REPS2: variants seen among roughly 807,000 people sequenced by gnomAD.
REPS2 encodes the protein ralBP1-associated Eps domain-containing protein 2.
Under a neutral mutation model 53.6 loss-of-function variants are expected in REPS2, and 23 were observed. That is an observed-to-expected ratio of 0.43 (90% CI 0.31 to 0.61). REPS2 has a LOEUF of 0.61. REPS2 is among the 20% of genes least tolerant of loss of function. The pLI, the probability that REPS2 is intolerant of heterozygous loss-of-function variation, is 0.11. For synonymous variants in REPS2, 238 were observed against 218.6 expected (o/e 1.09, Z -0.78); for missense variants, 446 against 534.9 (o/e 0.83, Z 1.64).
At chrX:17,181,161 T>C in the REPS2 span, among the ~76,000 whole-genome samples, 2 of 112,498 alleles carry the variant, frequency 1.8e-5, no homozygotes, top group African/African-American at 6.5e-5. Context: ...CTGGCCCTGC[T>C]CCTCCCTCAC....
At chrX:17,164,656 C>A in the REPS2 span, among the ~76,000 whole-genome samples, 1 of 111,491 alleles carries the variant, frequency 9.0e-6, no homozygotes, top group African/African-American at 3.3e-5. Context: ...TAAAGCAGGG[C>A]TTACAGAGAA....
chrX:17,018,397 C>T (rs1258839263), intron 2 of REPS2, among the ~76,000 whole-genome samples: 1 of 109,725 alleles, frequency 9.1e-6, no homozygotes, highest in Admixed American at 9.8e-5. Flanking sequence ...TCATGTTGGC[C>T]AGGCTAGTCT....
At chrX:17,178,206 A>G in the REPS2 span, among the ~76,000 whole-genome samples, 1 of 111,766 alleles carries the variant, frequency 8.9e-6, no homozygotes, top group Non-Finnish European at 1.9e-5. Context: ...ATATTCTGAA[A>G]TGCACTCATG....
At chrX:17,192,466 G>T in the REPS2 span, among the ~76,000 whole-genome samples, 2 of 111,669 alleles carry the variant, frequency 1.8e-5, no homozygotes, top group African/African-American at 6.5e-5. Context: ...CCAATAATCT[G>T]TTGGGTGGAG....
intron 8 of REPS2, among the ~76,000 whole-genome samples, chrX:17,056,773 G>T (rs377557652): frequency 3.0e-4 from 33 of 111,676 alleles, no homozygotes; most frequent in African/African-American, 1.1e-3. Flanking sequence ...ATGAATTTTT[G>T]TATATGTATA....
chrX:16,995,064 T>G (rs747854817), intron 1 of REPS2, among the ~76,000 whole-genome samples: 2 of 112,502 alleles, frequency 1.8e-5, no homozygotes, highest in East Asian at 5.6e-4. Flanking sequence ...ACAGCACAGT[T>G]ATGATGAAGC....
chrX:16,960,225 G>A (rs5969731), intron 1 of REPS2, among the ~76,000 whole-genome samples: 28,981 of 109,392 alleles, frequency 0.26, 3,254 homozygotes, highest in East Asian at 0.64. Context: ...AAATGAGCTG[G>A]GCATAGTGGC....
chrX:17,126,006 C>T (rs766237449), intron 14 of REPS2, among the ~76,000 whole-genome samples: 2 of 112,020 alleles, frequency 1.8e-5, no homozygotes, highest in East Asian at 5.6e-4. Context: ...GTAAAGCTAA[C>T]CTGCCTCAGT....
At position 17,078,932 on chromosome X, in the gene REPS2, A is replaced by G. The variant is rs760285809; in HGVS notation, c.1516+1525A>G. 1.2e-4 allele frequency among the ~76,000 whole-genome samples: 13 copies of G among 112,404 alleles called. No individual in the cohort carries two copies. The East Asian group carries it at 3.1e-3, about 26-fold the overall frequency. ...ATCTGTACAGTAGAGCCAATACTCC[A>G]TGGAGTTGTAAGGTTTTGGTGAGAT... On this transcript the variant is annotated intron_variant, in intron 13 of 17. Transcript: ENST00000357277.
At chrX:17,024,040 G>C (rs2061606564) in intron 3 of REPS2, among the ~76,000 whole-genome samples, 1 of 109,462 alleles carries the variant, frequency 9.1e-6, no homozygotes, top group Non-Finnish European at 1.9e-5. Context: ...TGTAATCCCA[G>C]CAGTTGGGGA....
At chrX:17,146,941 G>A (rs1045350386) in intron 17 of REPS2, among the ~76,000 whole-genome samples, 23 of 112,144 alleles carry the variant, frequency 2.1e-4, no homozygotes, top group African/African-American at 7.5e-4. Context: ...TGAGACTTTG[G>A]TGGAGGGGCA....
chrX:17,115,268 C>G (rs1171621529), intron 14 of REPS2, among the ~76,000 whole-genome samples: 2 of 112,101 alleles, frequency 1.8e-5, no homozygotes, highest in African/African-American at 6.5e-5. Context: ...CAGATAAACA[C>G]GTGAACAAAG....
rs1469606621 is a variant in REPS2 at position 17,056,028 on chromosome X, A to G, written c.1114+1078A>G. Among the ~76,000 whole-genome samples the G allele has an allele frequency of 2.7e-5, 3 of 111,765 alleles. No homozygotes were observed. The Admixed American group carries it at 2.8e-4, about 11-fold the overall frequency. ...TAAAAAAACAAACAAACAAAAAAAA[A>G]AAACAAAAAAACTTTTGTTTCTTAA... is the stretch of plus-strand genomic sequence containing the variant. On this transcript the variant is annotated intron_variant, in intron 8 of 17. Coordinates refer to ENST00000357277, the MANE Select transcript of REPS2 (RefSeq NM_004726.3).
intron 1 of REPS2, among the ~76,000 whole-genome samples, chrX:17,004,293 A>G (rs2061337854): frequency 1.8e-5 from 2 of 109,855 alleles, no homozygotes; most frequent in African/African-American, 6.7e-5. Context: ...TTTTTTTTTC[A>G]CCTTATTTTC....
At chrX:17,106,571 G>A (rs1043721504) in intron 14 of REPS2, among the ~76,000 whole-genome samples, 5 of 109,140 alleles carry the variant, frequency 4.6e-5, no homozygotes, top group African/African-American at 6.7e-5. Flanking sequence ...CTGCCACCAC[G>A]CCCGGTTAAT....
chrX:17,179,060 T>C, the REPS2 span, among the ~76,000 whole-genome samples: 1 of 111,459 alleles, frequency 9.0e-6, no homozygotes, highest in African/African-American at 3.3e-5. Context: ...CATTATGGAG[T>C]GAAAAAACAG....
At chrX:17,060,823 A>G (rs1307872659) in intron 8 of REPS2, among the ~76,000 whole-genome samples, 1 of 111,132 alleles carries the variant, frequency 9.0e-6, no homozygotes, top group Non-Finnish European at 1.9e-5. Context: ...TATTTTAGGC[A>G]GATAAGTGAC....
intron 14 of REPS2, among the ~76,000 whole-genome samples, chrX:17,127,872 C>T (rs2063236119): frequency 8.9e-6 from 1 of 111,993 alleles, no homozygotes; most frequent in Admixed American, 9.5e-5. Context: ...CTGCAGTCAT[C>T]TGAAGGCTTA....
At chrX:16,961,671 A>G (rs760354461) in intron 1 of REPS2, among the ~76,000 whole-genome samples, 1 of 112,321 alleles carries the variant, frequency 8.9e-6, no homozygotes, top group South Asian at 3.7e-4. Context: ...AAGCTTCTGC[A>G]TGACAAAGGG....
Sources: allele counts gnomAD v4.1 joint callset (sites outside exome capture counted in the v4.1 genomes callset), GRCh38; gene constraint gnomAD v4.1.1; transcripts MANE v1.5; gene names NCBI Gene and HGNC (gene_info 2026-07-23, HGNC 2026-07-21).